R3HDM1: variants seen among roughly 807,000 people sequenced by gnomAD.
The protein encoded by R3HDM1 is R3H domain containing 1, also known as R3H domain-containing protein 1.
R3HDM1 carries 46 observed loss-of-function variants against 141.1 expected under a neutral mutation model. The ratio of observed to expected loss-of-function variants is 0.33; its 90% CI spans 0.26 to 0.42. R3HDM1 has a LOEUF of 0.42. Among genes scored for constraint, R3HDM1 ranks in the 10% least tolerant of loss-of-function variants. R3HDM1 has a pLI of 1.00. For missense variants in R3HDM1, 1,184 were observed against 1,368.3 expected (o/e 0.87, Z 2.12); for synonymous variants, 435 against 472.9 (o/e 0.92, Z 1.04).
intron 1 of R3HDM1, among the ~76,000 whole-genome samples, chr2:135,578,577 A>T (rs1244582445): frequency 2.0e-5 from 3 of 152,254 alleles, no homozygotes; most frequent in Non-Finnish European, 4.4e-5. Context: ...TAATGCAAGC[A>T]CTAACAGATG....
At chr2:135,723,158 G>C (rs1030230362) in intron 26 of R3HDM1, among the ~76,000 whole-genome samples, 1 of 151,686 alleles carries the variant, frequency 6.6e-6, no homozygotes, top group Admixed American at 6.6e-5. Flanking sequence ...TTTCATTCTT[G>C]TTGCCCATGC....
intron 1 of R3HDM1, among the ~76,000 whole-genome samples, chr2:135,534,678 C>T (rs941716992): frequency 2.0e-5 from 3 of 152,148 alleles, no homozygotes; most frequent in Admixed American, 6.5e-5. Context: ...GGTGGGCCTC[C>T]GAAGTCATTG....
intron 1 of R3HDM1, among the ~76,000 whole-genome samples, chr2:135,548,228 T>G (rs188789859): frequency 6.6e-6 from 1 of 152,334 alleles, no homozygotes; most frequent in African/African-American, 2.4e-5. Flanking sequence ...TATTTTGAAA[T>G]TTTCCAAACG....
chr2:135,593,207 A>C (rs1411805721), intron 1 of R3HDM1, among the ~76,000 whole-genome samples: 2 of 152,102 alleles, frequency 1.3e-5, no homozygotes, highest in African/African-American at 4.8e-5. Flanking sequence ...GGCACGAGCC[A>C]CCACTCCTAG....
chr2:135,623,527 T>G (rs1354191586), intron 7 of R3HDM1, among the ~76,000 whole-genome samples: 1 of 152,214 alleles, frequency 6.6e-6, no homozygotes, highest in Admixed American at 6.5e-5. Context: ...CTATCTTGAT[T>G]TTCTGTTTCG....
At chr2:135,536,554 G>A in intron 1 of R3HDM1, 2 of 925,776 alleles carry the variant, frequency 2.2e-6, no homozygotes, top group Non-Finnish European at 2.6e-6. Flanking sequence ...AAATTAGGTA[G>A]AGAAAATAAA....
At chr2:135,585,166 TGTTTGAA>T (rs1291058751) in intron 1 of R3HDM1, among the ~76,000 whole-genome samples, 1 of 152,208 alleles carries the variant, frequency 6.6e-6, no homozygotes, top group Admixed American at 6.5e-5. Context: ...TCACCTTTGT[TGTTTGAA>T]GATTTAGGAA....
intron 2 of R3HDM1, 62 bp downstream of exon 2, chr2:135,602,770 C>T (rs1559214502): frequency 7.4e-7 from 1 of 1,346,892 alleles, no homozygotes; most frequent in Non-Finnish European, 9.7e-7. Context: ...CTATAAAAAG[C>T]AAGAAGCCAG....
chr2:135,671,127 A>C (rs1027172507), intron 19 of R3HDM1, among the ~76,000 whole-genome samples: 1 of 150,618 alleles, frequency 6.6e-6, no homozygotes, highest in Non-Finnish European at 1.5e-5. Flanking sequence ...CAAACTTTAC[A>C]TACTAGATAT....
At chr2:135,663,673 T>C (rs1299599586) in intron 19 of R3HDM1, among the ~76,000 whole-genome samples, 2 of 152,192 alleles carry the variant, frequency 1.3e-5, no homozygotes, top group African/African-American at 4.8e-5. Flanking sequence ...TTGAACTCTT[T>C]TTTAAAAGTT....
chr2:135,670,508 T>G (rs2068178112), intron 19 of R3HDM1: 13 of 700,336 alleles, frequency 1.9e-5, no homozygotes, highest in Non-Finnish European at 2.3e-5. Flanking sequence ...TGTGGAAGCA[T>G]TATATGAAAA....
intron 3 of R3HDM1, among the ~76,000 whole-genome samples, chr2:135,608,870 C>G (rs536322044): frequency 1.1e-3 from 173 of 152,292 alleles, no homozygotes; most frequent in Admixed American, 2.5e-3. Flanking sequence ...AATATTATAA[C>G]TTACATCTGT....
At chr2:135,628,753 G>C (rs938655962) in intron 7 of R3HDM1, among the ~76,000 whole-genome samples, 11 of 152,032 alleles carry the variant, frequency 7.2e-5, no homozygotes, top group African/African-American at 2.4e-4. Flanking sequence ...CAGCCTCCAA[G>C]TAGCTGGGAT....
chr2:135,666,937 G>T (rs914663579), intron 19 of R3HDM1: 70 of 189,080 alleles, frequency 3.7e-4, no homozygotes, highest in Non-Finnish European at 4.8e-4. Context: ...AAAAAAAAAA[G>T]AAAACTACCT....
At chr2:135,643,736 A>G (rs2064062566) in intron 15 of R3HDM1, among the ~76,000 whole-genome samples, 1 of 152,258 alleles carries the variant, frequency 6.6e-6, no homozygotes, top group Admixed American at 6.5e-5. Context: ...GATAGACTGG[A>G]TAAAGAAAAT....
At chr2:135,675,067 T>A (rs1245198804) in intron 19 of R3HDM1, among the ~76,000 whole-genome samples, 3 of 152,118 alleles carry the variant, frequency 2.0e-5, no homozygotes, top group Non-Finnish European at 4.4e-5. Flanking sequence ...ATAGTAATTG[T>A]CCTATGTTAT....
intron 19 of R3HDM1, chr2:135,667,182 C>A: frequency 1.0e-6 from 1 of 980,874 alleles, no homozygotes; most frequent in Non-Finnish European, 1.2e-6. Flanking sequence ...GTGCTGAGCA[C>A]TGCATTTCCT....
intron 1 of R3HDM1, among the ~76,000 whole-genome samples, chr2:135,541,867 A>G (rs1004831826): frequency 8.2e-5 from 12 of 146,374 alleles, no homozygotes; most frequent in Middle Eastern, 3.4e-3. Context: ...AAAAAAAAAA[A>G]AAAAGAAAGA....
chr2:135,565,913 A>G (rs930206092), intron 1 of R3HDM1: 3 of 152,208 alleles, frequency 2.0e-5, no homozygotes, highest in Admixed American at 1.3e-4. Flanking sequence ...TTGGTGATCA[A>G]ACAAAGAAAC....
Sources: allele counts gnomAD v4.1 joint callset (sites outside exome capture counted in the v4.1 genomes callset), GRCh38; gene constraint gnomAD v4.1.1; transcripts MANE v1.5; gene names NCBI Gene and HGNC (gene_info 2026-07-23, HGNC 2026-07-21).